The following XKR9 variants were observed in gnomAD, a reference collection of about 807,000 sequenced individuals.
The protein encoded by XKR9 is XK-related protein 9.
A neutral mutation model predicts 32.0 loss-of-function variants in XKR9; 32 were observed. That is an observed-to-expected ratio of 1.00 (90% CI 0.76 to 1.34). The LOEUF (loss-of-function observed/expected upper bound fraction) is 1.34, where lower values mean the gene tolerates loss of function less well. Ranked by LOEUF, XKR9 falls within the 40% of genes most tolerant of loss-of-function variation. XKR9 has a pLI of 0.00. For synonymous variants in XKR9, 168 were observed against 143.4 expected (o/e 1.17, Z -1.22); for missense variants, 546 against 429.7 (o/e 1.27, Z -2.39).
chr8:70,810,943 A>G, the XKR9 span, among the ~76,000 whole-genome samples: 3 of 152,216 alleles, frequency 2.0e-5, no homozygotes, highest in Non-Finnish European at 2.9e-5. Flanking sequence ...AGTGGACCTA[A>G]GAGACATCTA....
the XKR9 span, among the ~76,000 whole-genome samples, chr8:70,847,552 A>G: frequency 1.3e-5 from 2 of 151,964 alleles, no homozygotes; most frequent in Non-Finnish European, 1.5e-5. Context: ...ATTTGTTTGA[A>G]AAGATAAAAT....
chr8:70,698,615 A>G (rs1475506543), intron 3 of XKR9, among the ~76,000 whole-genome samples: 1 of 151,996 alleles, frequency 6.6e-6, no homozygotes, highest in Non-Finnish European at 1.5e-5. Flanking sequence ...GTATGTGGTC[A>G]ATTTTGGAAT....
At chr8:70,962,093 T>C in the XKR9 span, among the ~76,000 whole-genome samples, 3 of 152,192 alleles carry the variant, frequency 2.0e-5, no homozygotes, top group African/African-American at 7.2e-5. Context: ...GTGAATCTTT[T>C]GATGAAATCA....
chr8:70,797,559 AT>A, the XKR9 span, among the ~76,000 whole-genome samples: 391 of 148,110 alleles, frequency 2.6e-3, 2 homozygotes, highest in South Asian at 8.8e-3. Context: ...ATAACTGCAG[AT>A]TTTTTTTTTT....
chr8:70,878,072 T>G, the XKR9 span, among the ~76,000 whole-genome samples: 7 of 152,072 alleles, frequency 4.6e-5, no homozygotes, highest in Admixed American at 2.0e-4. Flanking sequence ...GCTTCATAAG[T>G]GCAGGAGAAA....
At chr8:70,811,213 G>A in the XKR9 span, among the ~76,000 whole-genome samples, 15 of 151,944 alleles carry the variant, frequency 9.9e-5, 1 homozygote, top group African/African-American at 3.4e-4. Context: ...CGAAATGAAG[G>A]CAGACGTAAA....
the XKR9 span, among the ~76,000 whole-genome samples, chr8:70,823,392 A>G: frequency 7.9e-5 from 12 of 152,310 alleles, no homozygotes; most frequent in African/African-American, 2.9e-4. Context: ...TCAACTTCCT[A>G]CCCACTCACA....
chr8:70,713,652 A>T (rs1805993680), intron 4 of XKR9, among the ~76,000 whole-genome samples: 1 of 144,052 alleles, frequency 6.9e-6, no homozygotes, highest in Non-Finnish European at 1.6e-5. Flanking sequence ...TTGTTTTATA[A>T]CAAAATGCTA....
the XKR9 span, among the ~76,000 whole-genome samples, chr8:70,975,254 C>A: frequency 6.6e-6 from 1 of 152,182 alleles, no homozygotes; most frequent in African/African-American, 2.4e-5. Flanking sequence ...AATTACAACC[C>A]ATTTGTCAAT....
At chr8:70,885,099 C>G in the XKR9 span, among the ~76,000 whole-genome samples, 12 of 148,584 alleles carry the variant, frequency 8.1e-5, no homozygotes, top group South Asian at 2.1e-4. Flanking sequence ...TTTTTTTTTT[C>G]AGTTTATACC....
the XKR9 span, among the ~76,000 whole-genome samples, chr8:71,040,231 G>A: frequency 3.9e-5 from 6 of 152,094 alleles, no homozygotes; most frequent in Admixed American, 3.3e-4. Context: ...TGATTATTTG[G>A]CCAGCACAGG....
the XKR9 span, among the ~76,000 whole-genome samples, chr8:70,902,054 A>C: frequency 6.4e-3 from 972 of 152,260 alleles, 19 homozygotes; most frequent in African/African-American, 0.022. Flanking sequence ...TGGTTACTGT[A>C]GCCTTGTAGT....
At chr8:70,852,016 A>G in the XKR9 span, among the ~76,000 whole-genome samples, 9 of 152,248 alleles carry the variant, frequency 5.9e-5, no homozygotes, top group Admixed American at 5.9e-4. Flanking sequence ...ATGTGGGAAA[A>G]TTTTTGCAAT....
At chr8:70,896,549 TG>T in the XKR9 span, among the ~76,000 whole-genome samples, 2 of 151,716 alleles carry the variant, frequency 1.3e-5, no homozygotes, top group East Asian at 3.9e-4. Flanking sequence ...GCGTATGTTC[TG>T]TTTTTTTTTT....
the XKR9 span, among the ~76,000 whole-genome samples, chr8:71,032,487 A>T: frequency 0.012 from 1,827 of 152,182 alleles, 37 homozygotes; most frequent in African/African-American, 0.041. Context: ...CAGCTGCAGC[A>T]AACAGAAGGA....
the XKR9 span, among the ~76,000 whole-genome samples, chr8:70,833,916 ATTTAT>A: frequency 6.6e-6 from 1 of 152,194 alleles, no homozygotes; most frequent in African/African-American, 2.4e-5. Context: ...ATTGTAGGCA[ATTTAT>A]TTAAGTGAAA....
chr8:70,843,743 C>T, the XKR9 span, among the ~76,000 whole-genome samples: 1 of 152,108 alleles, frequency 6.6e-6, no homozygotes, highest in South Asian at 2.1e-4. Context: ...TTTGCAGGCC[C>T]TAGGAATGGC....
chr8:70,814,323 A>G, the XKR9 span, among the ~76,000 whole-genome samples: 2 of 152,126 alleles, frequency 1.3e-5, no homozygotes, highest in Non-Finnish European at 2.9e-5. Flanking sequence ...GGATAGCATT[A>G]GGAGATATAC....
chr8:70,903,173 T>C, the XKR9 span, among the ~76,000 whole-genome samples: 3 of 152,136 alleles, frequency 2.0e-5, no homozygotes, highest in East Asian at 5.8e-4. Context: ...TTAGGGAGCA[T>C]TCTCTCTTTT....
Sources: allele counts gnomAD v4.1 joint callset (sites outside exome capture counted in the v4.1 genomes callset), GRCh38; gene constraint gnomAD v4.1.1; transcripts MANE v1.5; gene names NCBI Gene and HGNC (gene_info 2026-07-23, HGNC 2026-07-21).